ST18: variants seen among roughly 807,000 people sequenced by gnomAD.
The protein encoded by ST18 is suppression of tumorigenicity 18 protein.
ST18 carries 50 observed loss-of-function variants against 110.0 expected under a neutral mutation model. The observed-to-expected ratio is 0.45, with a 90% CI of 0.36 to 0.58. The LOEUF (loss-of-function observed/expected upper bound fraction) is 0.58. Ranked by LOEUF, ST18 falls within the 20% of genes least tolerant of loss-of-function variation. ST18 has a pLI of 0.00. For synonymous variants in ST18, 461 were observed against 452.4 expected (o/e 1.02, Z -0.24); for missense variants, 1,306 against 1,280.1 (o/e 1.02, Z -0.31).
intron 2 of ST18, among the ~76,000 whole-genome samples, chr8:52,390,063 CAG>C (rs760786804): frequency 2.6e-5 from 4 of 151,990 alleles, no homozygotes; most frequent in Non-Finnish European, 5.9e-5. Context: ...ACCGGGTGGC[CAG>C]TATGTGATTC....
At chr8:52,341,171 C>T (rs1046745054) in intron 2 of ST18, among the ~76,000 whole-genome samples, 6 of 152,200 alleles carry the variant, frequency 3.9e-5, no homozygotes, top group South Asian at 2.1e-4. Flanking sequence ...ATCCACTCCC[C>T]TTAAAAAAGT....
intron 21 of ST18, 112 bp from the exon 22 acceptor site, chr8:52,132,291 C>G: frequency 1.1e-6 from 1 of 912,188 alleles, no homozygotes; most frequent in Non-Finnish European, 1.6e-6. Flanking sequence ...GCCACCATAA[C>G]TAGCAAAACA....
chr8:52,317,111 T>C (rs1249031262), intron 2 of ST18, among the ~76,000 whole-genome samples: 2 of 152,350 alleles, frequency 1.3e-5, no homozygotes, highest in Non-Finnish European at 1.5e-5. Flanking sequence ...CTTTTGACTT[T>C]ATCACCTGTA....
At chr8:52,222,284 A>C (rs964479593) in intron 3 of ST18, among the ~76,000 whole-genome samples, 1 of 152,180 alleles carries the variant, frequency 6.6e-6, no homozygotes, top group African/African-American at 2.4e-5. Context: ...GCACAATTGC[A>C]ATTTTTTACT....
intron 2 of ST18, among the ~76,000 whole-genome samples, chr8:52,287,530 T>C (rs1397027894): frequency 6.6e-6 from 1 of 152,076 alleles, no homozygotes; most frequent in African/African-American, 2.4e-5. Flanking sequence ...CAGAGCAACA[T>C]CTAGAACAAA....
chr8:52,134,706 A>C (rs1028901748), intron 19 of ST18, among the ~76,000 whole-genome samples: 1 of 152,214 alleles, frequency 6.6e-6, no homozygotes, highest in African/African-American at 2.4e-5. Flanking sequence ...ATTTAAAGAC[A>C]TAATATGTAT....
At chr8:52,353,983 C>T (rs750727091) in intron 2 of ST18, among the ~76,000 whole-genome samples, 1 of 152,254 alleles carries the variant, frequency 6.6e-6, no homozygotes, top group Non-Finnish European at 1.5e-5. Flanking sequence ...TGCTCTTGGG[C>T]TAGCCCACTC....
At chr8:52,242,393 C>A (rs1366757723) in intron 2 of ST18, among the ~76,000 whole-genome samples, 1 of 152,238 alleles carries the variant, frequency 6.6e-6, no homozygotes, top group South Asian at 2.1e-4. Context: ...TGAATCCAGG[C>A]TCTGACCAAG....
chr8:52,160,933 G>A (rs1008562229), intron 14 of ST18, among the ~76,000 whole-genome samples: 1 of 152,044 alleles, frequency 6.6e-6, no homozygotes, highest in Non-Finnish European at 1.5e-5. Flanking sequence ...CCTTTAGTTT[G>A]AATGCTTTTG....
chr8:52,283,686 CA>C (rs1248594923), intron 2 of ST18, among the ~76,000 whole-genome samples: 2 of 152,148 alleles, frequency 1.3e-5, no homozygotes, highest in Non-Finnish European at 2.9e-5. Context: ...TTGGCTTTCA[CA>C]GGGGCAGTTT....
At chr8:52,153,627 G>T (rs1019993358) in intron 15 of ST18, among the ~76,000 whole-genome samples, 2 of 152,148 alleles carry the variant, frequency 1.3e-5, no homozygotes, top group Admixed American at 6.5e-5. Flanking sequence ...CTAATGTAAG[G>T]TATAAAATTT....
intron 2 of ST18, among the ~76,000 whole-genome samples, chr8:52,364,964 A>G (rs1477790564): frequency 3.9e-5 from 6 of 152,096 alleles, no homozygotes; most frequent in Non-Finnish European, 8.8e-5. Context: ...TACAAAAATT[A>G]GCCAGGCATG....
At chr8:52,235,523 C>T (rs911715080) in intron 2 of ST18, among the ~76,000 whole-genome samples, 2 of 152,050 alleles carry the variant, frequency 1.3e-5, no homozygotes, top group Admixed American at 6.6e-5. Context: ...ATGATGATGC[C>T]CCTGACCCTG....
intron 2 of ST18, among the ~76,000 whole-genome samples, chr8:52,257,292 ACT>A (rs2094555751): frequency 6.6e-6 from 1 of 152,216 alleles, no homozygotes; most frequent in African/African-American, 2.4e-5. Flanking sequence ...CTCTTGAATA[ACT>A]ACTTAGAAGA....
intron 9 of ST18, among the ~76,000 whole-genome samples, chr8:52,173,057 A>G (rs1234812802): frequency 1.3e-5 from 2 of 152,224 alleles, no homozygotes; most frequent in Non-Finnish European, 2.9e-5. Flanking sequence ...TAGCATGGCA[A>G]TGTATTTTCA....
intron 2 of ST18, among the ~76,000 whole-genome samples, chr8:52,248,228 G>A (rs950290255): frequency 6.6e-6 from 1 of 152,044 alleles, no homozygotes; most frequent in Non-Finnish European, 1.5e-5. Context: ...TATAAGTAAT[G>A]AAAGTTAGCA....
intron 2 of ST18, among the ~76,000 whole-genome samples, chr8:52,350,219 A>AGTCAAAG (rs1819663911): frequency 2.0e-5 from 3 of 152,200 alleles, no homozygotes; most frequent in African/African-American, 7.2e-5. Flanking sequence ...CATGAAAAAT[A>AGTCAAAG]ACTCCTTGCA....
At chr8:52,409,856 T>A (rs998676797), upstream of ST18, 5 of 152,270 alleles carry the variant, frequency 3.3e-5, no homozygotes, top group African/African-American at 1.2e-4. Context: ...AAAACTCTTT[T>A]CACTGAGAGT....
chr8:52,353,508 A>G (rs1286473256), intron 2 of ST18, among the ~76,000 whole-genome samples: 1 of 152,212 alleles, frequency 6.6e-6, no homozygotes, highest in African/African-American at 2.4e-5. Flanking sequence ...TCTAAATAAA[A>G]ACACACTCTC....
Sources: gnomAD v4.1 joint callset for allele counts (sites outside exome capture counted in the v4.1 genomes callset) on GRCh38, gnomAD v4.1.1 for gene constraint, MANE v1.5 for transcripts, NCBI Gene and HGNC (gene_info 2026-07-23, HGNC 2026-07-21) for gene names.